Variants in P2RX6 observed in about 807,000 individuals in gnomAD.
P2RX6 encodes P2X purinoceptor 6.
In P2RX6, 62 loss-of-function variants were observed where a neutral mutation model predicts 54.2. The observed-to-expected ratio is 1.14, with a 90% CI of 0.93 to 1.41. P2RX6 has a LOEUF of 1.41. P2RX6 is among the 40% of genes most tolerant of loss of function. The pLI is 0.00. For missense variants in P2RX6, 541 were observed against 566.3 expected (o/e 0.96, Z 0.45); for synonymous variants, 211 against 231.9 (o/e 0.91, Z 0.82).
intron 9 of P2RX6, 28 bp downstream of exon 9, chr22:21,025,926 G>A (rs1396379875): frequency 1.3e-6 from 2 of 1,580,640 alleles, no homozygotes; most frequent in Non-Finnish European, 1.7e-6. Context: ...TCAGGCCGGG[G>A]ATGGGATGGG....
chr22:21,025,715 C>A, intron 8 of P2RX6, 90 bp from the exon 9 acceptor site: 1 of 895,542 alleles, frequency 1.1e-6, no homozygotes, highest in South Asian at 1.5e-5. Flanking sequence ...TTTATAGAGT[C>A]AATTGACAAG....
At chr22:21,010,523 G>T (rs1385056363), upstream of P2RX6, among the ~76,000 whole-genome samples, 1 of 152,118 alleles carries the variant, frequency 6.6e-6, no homozygotes, top group Non-Finnish European at 1.5e-5. Context: ...CTGCAGAAAA[G>T]AGCTCTCCTG....
chr22:21,018,025 G>T lies in P2RX6; in HGVS notation c.352G>T (p.Val118Leu), dbSNP rs544725301. The change falls in exon 3 of 12, where the codon GTG (valine) becomes TTG (leucine). Residue 118 changes from valine to leucine, a missense_variant. By Grantham distance (32) the Val-to-Leu change is conservative. Transcript: ENST00000413302. ...GTTCTTCTTGGTGACCAACTTCCTT[G>T]TGACGCCAGCCCAAGTTCAGGGCAG... The part of the protein sequence containing the change: ...NVFFLVTNFL[V>L]TPAQVQGRCP... 3.7e-6 allele frequency: 6 copies of T among 1,613,280 alleles called. No individual in the cohort carries two copies. Among genetic ancestry groups the T allele is most frequent in the Non-Finnish European group, 5.1e-6 (6 of 1,179,468 alleles).
chr22:21,024,249 A>G (rs1246800326), intron 8 of P2RX6, among the ~76,000 whole-genome samples: 2 of 146,314 alleles, frequency 1.4e-5, no homozygotes. Context: ...GTAAACCACC[A>G]TGTCTGGCCT....
upstream of P2RX6, chr22:21,012,667 G>A (rs546484087): frequency 2.0e-5 from 10 of 494,084 alleles, no homozygotes; most frequent in Middle Eastern, 3.9e-4. Flanking sequence ...CCCTGGGACA[G>A]ACAGAGCAAA....
chr22:21,023,710 T>C lies in P2RX6; in HGVS notation c.890+92T>C, dbSNP rs878900841. The C allele has an allele frequency of 6.8e-6, 6 of 887,118 alleles. No homozygotes were observed. The South Asian group carries it at 9.0e-5, about 13-fold the overall frequency. The allele number at this position is 887,118 out of a possible 1,614,324, so 55.0% of individuals were successfully genotyped here. A position where few individuals can be genotyped will look rare whatever the true frequency, so the allele number is the denominator to read the frequency against. On this transcript the variant is annotated intron_variant, in intron 8 of 11. Transcript: ENST00000413302. ...CAGACCACACCCAGGCCCAGGCCTCTAGATATTCCACTACGTGTGCAAGGG... is the reference window on the plus strand; with the variant it reads ...CAGACCACACCCAGGCCCAGGCCTCCAGATATTCCACTACGTGTGCAAGGG...
intron 5 of P2RX6, 33 bp downstream of exon 5, chr22:21,023,068 G>A (rs759646763): frequency 6.2e-7 from 1 of 1,612,394 alleles, no homozygotes; most frequent in South Asian, 1.1e-5. Flanking sequence ...ACCCCAACTG[G>A]CGCAGGGCCC....
In P2RX6 at chr22:21,022,663, T is replaced by C. The variant is rs1927615810; in HGVS notation, c.388-13T>C. 8 of 1,517,590 alleles carry C rather than the reference T, an allele frequency of 5.3e-6. No homozygotes were observed. Among genetic ancestry groups the C allele is most frequent in the Non-Finnish European group, 7.1e-6 (8 of 1,132,562 alleles). The allele number at this position is 1,517,590 out of a possible 1,614,324, so 94.0% of individuals were successfully genotyped here. ...CCCTGTGCCATTGGTGACTGCTCTC[T>C]CTCCCACCTCAGCACCCGTCCGTCC... On this transcript the variant is annotated splice_polypyrimidine_tract_variant and intron_variant, in intron 3 of 11. Transcript: ENST00000413302.
In P2RX6 at chr22:21,027,033, C is replaced by G. The variant is rs1358201072; in HGVS notation, c.*416C>G. 4.8e-6 allele frequency: 1 copy of G among 209,734 alleles called. No individual in the cohort carries two copies. Among genetic ancestry groups the G allele is most frequent in the African/African-American group, 2.3e-5 (1 of 43,222 alleles). The allele number at this position is 209,734 out of a possible 1,614,324, so 13.0% of individuals were successfully genotyped here. On this transcript the variant is annotated 3_prime_UTR_variant, in exon 12 of 12. Coordinates refer to ENST00000413302, the MANE Select transcript of P2RX6 (RefSeq NM_005446.5). ...CCTCCTCCCCCATCTGCACCCCCAT[C>G]ATAGGTAGAGACCCCACCCTCCCAT...
chr22:21,015,826 G>A (rs1352941691), intron 1 of P2RX6, 116 bp from the exon 2 acceptor site: 14 of 1,079,770 alleles, frequency 1.3e-5, no homozygotes, highest in Admixed American at 2.8e-5. Context: ...TGGGGCCTTC[G>A]ATGTTGGGCC....
At chr22:21,019,776 G>A (rs1281086018) in intron 3 of P2RX6, among the ~76,000 whole-genome samples, 1 of 152,242 alleles carries the variant, frequency 6.6e-6, no homozygotes, top group Non-Finnish European at 1.5e-5. Flanking sequence ...GATAAGCATT[G>A]TTTCTATAGA....
chr22:21,023,086 G>A, intron 5 of P2RX6, 32 bp from the exon 6 acceptor site: 2 of 1,612,758 alleles, frequency 1.2e-6, no homozygotes, highest in South Asian at 1.1e-5. Context: ...CCCCAGGCCT[G>A]GCAGAGGCTG....
chr22:21,009,819 T>C (rs900616555), exon 1 of P2RX6: 1 of 156,048 alleles, frequency 6.4e-6, no homozygotes, highest in African/African-American at 2.4e-5. Flanking sequence ...CTCAGGGCAT[T>C]GCCCCCTCTC....
chr22:21,025,910 T>C lies in P2RX6; in HGVS notation c.984+12T>C. The C allele has an allele frequency of 6.3e-6, 10 of 1,579,404 alleles. No individual in the cohort carries two copies. Among genetic ancestry groups the C allele is most frequent in the Non-Finnish European group, 8.6e-6 (10 of 1,163,022 alleles). ...TCGTCACCGGGCAGGTAGGCACAGGTAGGGGTCAGGCCGGGGATGGGATGG... is the reference window on the plus strand; with the variant it reads ...TCGTCACCGGGCAGGTAGGCACAGGCAGGGGTCAGGCCGGGGATGGGATGG... On this transcript the variant is annotated intron_variant, in intron 9 of 11. Coordinates refer to ENST00000413302, the MANE Select transcript of P2RX6 (RefSeq NM_005446.5).
chr22:21,021,717 C>T (rs1192341940), intron 3 of P2RX6, among the ~76,000 whole-genome samples: 1 of 152,090 alleles, frequency 6.6e-6, no homozygotes, highest in Non-Finnish European at 1.5e-5. Flanking sequence ...GGGAGAGTGC[C>T]CGATGCTCAA....
chr22:21,013,571 A>G (rs1925895860), upstream of P2RX6, among the ~76,000 whole-genome samples: 1 of 152,210 alleles, frequency 6.6e-6, no homozygotes, highest in African/African-American at 2.4e-5. Context: ...TGGGTGACAG[A>G]GCAAGACCCT....
intron 1 of P2RX6, 83 bp downstream of exon 1, chr22:21,015,421 G>C (rs1166166851): frequency 6.9e-7 from 1 of 1,441,394 alleles, no homozygotes; most frequent in African/African-American, 1.5e-5. Flanking sequence ...GGTTGAAGTT[G>C]AGGGTTGGGC....
intron 2 of P2RX6, among the ~76,000 whole-genome samples, chr22:21,017,239 C>T (rs372605309): frequency 7.2e-5 from 11 of 152,206 alleles, no homozygotes; most frequent in Admixed American, 5.2e-4. Flanking sequence ...CTGCCCATGA[C>T]GGTGTCCACA....
chr22:21,022,577 G>T, intron 3 of P2RX6, 99 bp from the exon 4 acceptor site: 1 of 839,580 alleles, frequency 1.2e-6, no homozygotes, highest in South Asian at 2.1e-5. Flanking sequence ...TGGGAAGGGG[G>T]CCTGTCCTTC....
Sources: gnomAD v4.1 joint callset for allele counts (sites outside exome capture counted in the v4.1 genomes callset) on GRCh38, gnomAD v4.1.1 for gene constraint, MANE v1.5 for transcripts, NCBI Gene and HGNC (gene_info 2026-07-23, HGNC 2026-07-21) for gene names.